SOCS2: variants seen among roughly 807,000 people sequenced by gnomAD.
SOCS2 encodes the protein CIS-2.
A neutral mutation model predicts 18.6 loss-of-function variants in SOCS2; 10 were observed. The ratio of observed to expected loss-of-function variants is 0.54; its 90% CI spans 0.33 to 0.91. The LOEUF is 0.91. Among genes scored for constraint, SOCS2 ranks in the 40% least tolerant of loss-of-function variants. SOCS2 has a pLI of 0.02. For synonymous variants in SOCS2, 104 were observed against 104.0 expected (o/e 1.00, Z 0.00); for missense variants, 231 against 247.2 (o/e 0.93, Z 0.44).
chr12:93,586,036 T>C (rs779258564), downstream of SOCS2, among the ~76,000 whole-genome samples: 2 of 152,242 alleles, frequency 1.3e-5, no homozygotes, highest in Non-Finnish European at 2.9e-5. Context: ...TGTATTGTTA[T>C]TTTTTATTGC....
chr12:93,574,886 G>C lies in SOCS2; in HGVS notation c.304G>C (p.Gly102Arg). 6.2e-7 allele frequency: 1 copy of C among 1,614,126 alleles called. No individual in the cohort carries two copies. Residue 102 changes from glycine to arginine, a missense_variant, in exon 2 of 2, where the codon GGA (glycine) becomes CGA (arginine). This residue lies in a region of SOCS2 where 122 missense variants were observed against 127.2 expected (regional missense o/e 0.96). Transcript: ENST00000551556. ...PTNLRIEYQDGKFRLDSIICV... is the reference protein window; with the variant it reads ...PTNLRIEYQDRKFRLDSIICV... Reference sequence around the variant, plus strand: ...TAATCTTCGAATCGAATACCAAGACGGAAAATTCAGATTGGACTCTATCAT... The same window carrying C: ...TAATCTTCGAATCGAATACCAAGACCGAAAATTCAGATTGGACTCTATCAT...
rs1954471416 is a variant in SOCS2 at position 93,576,720 on chromosome 12, A to C, written c.*1541A>C. The stretch of plus-strand genomic sequence containing the variant: ...GTGTGAATGAGAAAATTCAGTTATA[A>C]ATTGTAATAAAACCTGCTTACTGGA... On this transcript the variant is annotated 3_prime_UTR_variant, in exon 2 of 2. Coordinates refer to ENST00000551556, the MANE Select transcript of SOCS2 (RefSeq NM_001270471.2). 6.6e-6 allele frequency: 1 copy of C among 152,238 alleles called. No individual in the cohort carries two copies. The highest frequency in any genetic ancestry group is 2.4e-5 in the African/African-American group (1 of 41,448). The allele number at this position is 152,238 out of a possible 1,614,324, so 9.4% of individuals were successfully genotyped here.
At chr12:93,572,612 C>G, upstream of SOCS2, 1 of 641,072 alleles carries the variant, frequency 1.6e-6, no homozygotes, top group Non-Finnish European at 2.9e-6. This position sits in a 1 kb window ranked among gnomAD's most constrained non-coding sequence, Gnocchi z 5.0. Context: ...TTTTCCACGT[C>G]TATTTCCCCA....
downstream of SOCS2, among the ~76,000 whole-genome samples, chr12:93,578,544 A>G (rs764302150): frequency 2.2e-4 from 33 of 152,110 alleles, no homozygotes; most frequent in Non-Finnish European, 4.6e-4. Context: ...TCATTTACTT[A>G]AGAGGTCTTC....
the SOCS2 span, among the ~76,000 whole-genome samples, chr12:93,605,040 C>G: frequency 9.2e-5 from 14 of 151,974 alleles, no homozygotes; most frequent in African/African-American, 3.1e-4. Flanking sequence ...TGCCCACTCC[C>G]CACTCCTGCC....
At chr12:93,590,698 G>A in the SOCS2 span, among the ~76,000 whole-genome samples, 2 of 144,580 alleles carry the variant, frequency 1.4e-5, no homozygotes, top group African/African-American at 5.1e-5. Flanking sequence ...GGAGGCTGAG[G>A]CAGAAAGAAT....
Position 93,572,727 on chromosome 12 carries a change from GT to G in SOCS2, c.-170del, listed in dbSNP as rs1170054425. On this transcript the variant is annotated 5_prime_UTR_variant, in exon 1 of 2. Transcript: ENST00000551556. The surrounding 1 kb of genome is among the most constrained non-coding windows in gnomAD (Gnocchi z 5.0). The stretch of plus-strand genomic sequence containing the variant: ...GCGGCTGCGAGGGACTTTGTCATCC[GT>G]CCTCCAGGATCTGGGGAGAAAGAGC... 3.2e-5 allele frequency: 28 copies of G among 873,750 alleles called. No individual in the cohort carries two copies. The African/African-American group carries it at 4.6e-4, about 14-fold the overall frequency. 54.1% of individuals were successfully genotyped at this position (873,750 alleles called of 1,614,324 possible).
the SOCS2 span, among the ~76,000 whole-genome samples, chr12:93,589,333 AC>A: frequency 6.6e-6 from 1 of 152,132 alleles, no homozygotes; most frequent in East Asian, 1.9e-4. Context: ...AATTATACCA[AC>A]CTTGACATTC....
the SOCS2 span, among the ~76,000 whole-genome samples, chr12:93,615,011 A>G: frequency 6.6e-6 from 1 of 150,834 alleles, no homozygotes; most frequent in Non-Finnish European, 1.5e-5. Flanking sequence ...AGAAATTGTC[A>G]TTGCCACTTA....
At chr12:93,580,913 A>G (rs973860201), downstream of SOCS2, among the ~76,000 whole-genome samples, 3 of 152,238 alleles carry the variant, frequency 2.0e-5, no homozygotes, top group Non-Finnish European at 4.4e-5. Flanking sequence ...GTAGAAGCCC[A>G]TAAACACATC....
At chr12:93,613,754 C>T in the SOCS2 span, among the ~76,000 whole-genome samples, 1 of 152,144 alleles carries the variant, frequency 6.6e-6, no homozygotes, top group Non-Finnish European at 1.5e-5. Context: ...CTAATGTTCT[C>T]ATCACAAAAA....
At chr12:93,609,855 T>G in the SOCS2 span, among the ~76,000 whole-genome samples, 4 of 152,164 alleles carry the variant, frequency 2.6e-5, no homozygotes, top group Non-Finnish European at 5.9e-5. Context: ...TTCTCACAGT[T>G]TAGGAGGCTG....
At chr12:93,615,976 G>A in the SOCS2 span, among the ~76,000 whole-genome samples, 1 of 152,204 alleles carries the variant, frequency 6.6e-6, no homozygotes, top group Non-Finnish European at 1.5e-5. Context: ...CTCAGAGGTG[G>A]AAAGATTTGT....
At chr12:93,598,194 T>A in the SOCS2 span, among the ~76,000 whole-genome samples, 7 of 152,118 alleles carry the variant, frequency 4.6e-5, no homozygotes, top group Non-Finnish European at 7.3e-5. Flanking sequence ...AAAACCTGAT[T>A]GATGAGAAGG....
chr12:93,606,942 C>T, the SOCS2 span, among the ~76,000 whole-genome samples: 1 of 152,184 alleles, frequency 6.6e-6, no homozygotes, highest in South Asian at 2.1e-4. Context: ...CGTGAGCTAC[C>T]ACAACCGACC....
the SOCS2 span, among the ~76,000 whole-genome samples, chr12:93,590,783 CAAAAAAAAAAAAAAAAAAAAAAAAA>C: frequency 2.6e-5 from 1 of 38,956 alleles, no homozygotes; most frequent in Non-Finnish European, 4.4e-5. Context: ...GACTCCGCCT[CAAAAAAAAAAAAAAAAAAAAAAAAA>C]AAAAAAAAAA....
the SOCS2 span, among the ~76,000 whole-genome samples, chr12:93,594,867 C>T: frequency 2.0e-5 from 3 of 152,160 alleles, no homozygotes; most frequent in African/African-American, 7.2e-5. Flanking sequence ...ATAACCAGTA[C>T]ATGAACTAGT....
chr12:93,623,809 A>G, the SOCS2 span, among the ~76,000 whole-genome samples: 2 of 152,048 alleles, frequency 1.3e-5, no homozygotes, highest in Admixed American at 1.3e-4. Context: ...AGCTCAAGCG[A>G]TTCTCCTGCC....
chr12:93,618,010 T>C, the SOCS2 span, among the ~76,000 whole-genome samples: 1 of 152,194 alleles, frequency 6.6e-6, no homozygotes, highest in African/African-American at 2.4e-5. Context: ...GATTGGATCA[T>C]GGGGGCAGTT....
Sources: allele counts gnomAD v4.1 joint callset (sites outside exome capture counted in the v4.1 genomes callset), GRCh38; gene constraint gnomAD v4.1.1; regional missense constraint gnomAD v4.1.1; non-coding constraint Gnocchi (gnomAD v3.1); transcripts MANE v1.5; gene names NCBI Gene and HGNC (gene_info 2026-07-23, HGNC 2026-07-21).